DNAJC6: variants seen among roughly 807,000 people sequenced by gnomAD.
The protein encoded by DNAJC6 is DnaJ heat shock protein family (Hsp40) member C6.
A neutral mutation model predicts 110.0 loss-of-function variants in DNAJC6; 34 were observed. The ratio of observed to expected loss-of-function variants is 0.31; its 90% confidence interval spans 0.24 to 0.41. DNAJC6 has a LOEUF of 0.41. Among genes scored for constraint, DNAJC6 ranks in the 10% least tolerant of loss-of-function variants. The probability of loss-of-function intolerance (pLI) is 1.00; values close to 1 mark genes in which losing one functional copy is unlikely to be tolerated. For missense variants in DNAJC6, 1,031 were observed against 1,207.8 expected (o/e 0.85, Z 2.17); for synonymous variants, 406 against 437.2 (o/e 0.93, Z 0.89).
chr1:65,411,171 G>C, intron 17 of DNAJC6, 79 bp from the exon 18 acceptor site: 1 of 1,431,366 alleles, frequency 7.0e-7, no homozygotes. Flanking sequence ...GGAGCAGAAG[G>C]GGTTTCTAGA....
At chr1:65,309,435 T>A, upstream of DNAJC6, 1 of 654,748 alleles carries the variant, frequency 1.5e-6, no homozygotes, top group South Asian at 5.0e-5. Context: ...GGTGCTGGCC[T>A]GGGGCCCGGA....
rs771969415 is a variant in DNAJC6 at position 65,401,767 on chromosome 1, T to G, written c.2114T>G (p.Phe705Cys). ...GACCTTATTTCCTTTTCAGGAGGCTTTGGAATGGGAAGCAAGTCAGCTGCC... is the reference window on the plus strand; with the variant it reads ...GACCTTATTTCCTTTTCAGGAGGCTGTGGAATGGGAAGCAAGTCAGCTGCC... ...GWDWHAKPGG[F>C]GMGSKSAATS... Residue 705 changes from phenylalanine (F) to cysteine (C), a missense_variant, in exon 15 of 19, where the codon TTT becomes TGT. Transcript: ENST00000371069. 1.2e-6 allele frequency: 2 copies of G among 1,611,762 alleles called. No homozygotes were observed. The highest frequency in any genetic ancestry group is 1.7e-6 in the Non-Finnish European group (2 of 1,179,526).
chr1:65,401,850 C>G lies in DNAJC6; in HGVS notation c.2197C>G (p.Leu733Val). 6.2e-7 allele frequency: 1 copy of G among 1,613,810 alleles called. No homozygotes were observed. ...CACCCATCAAAGCAAACCCCAGACTCTGGATCCTTTTGCCGACCTTGGGAC... is the reference window on the plus strand; with the variant it reads ...CACCCATCAAAGCAAACCCCAGACTGTGGATCCTTTTGCCGACCTTGGGAC... Reference protein sequence around the residue: ...TPTHQSKPQTLDPFADLGTLG... With the variant: ...TPTHQSKPQTVDPFADLGTLG... The change falls in exon 15 of 19, where the codon CTG becomes GTG. Residue 733 changes from leucine (L) to valine (V), a missense_variant. Leu to Val is a conservative substitution (Grantham distance 32, BLOSUM62 1). Transcript: ENST00000371069.
intron 1 of DNAJC6, among the ~76,000 whole-genome samples, chr1:65,324,362 G>GT (rs1259707511): frequency 2.7e-5 from 4 of 150,620 alleles, no homozygotes; most frequent in African/African-American, 9.8e-5. Flanking sequence ...TGTTTGTTTT[G>GT]TTTTGTTTTT....
At chr1:65,288,456 C>T (rs1459508748) in intron 1 of DNAJC6, among the ~76,000 whole-genome samples, 1 of 152,144 alleles carries the variant, frequency 6.6e-6, no homozygotes, top group African/African-American at 2.4e-5. Context: ...CATATTTAGT[C>T]AGAATTCTTA....
rs72679486 is a variant in DNAJC6, at chr1:65,381,942, A to G, written c.667-2251A>G. ...TTAATTCACTCTCAAGGCTTAAATTATGTGACACAATACCGAAAGCACTTG... is the reference window on the plus strand; with the variant it reads ...TTAATTCACTCTCAAGGCTTAAATTGTGTGACACAATACCGAAAGCACTTG... On this transcript the variant is annotated intron_variant, in intron 5 of 18. Coordinates refer to ENST00000371069, the MANE Select transcript of DNAJC6 (RefSeq NM_001256864.2). Among the ~76,000 whole-genome samples, 731 of 152,328 alleles carry G rather than the reference A, an allele frequency of 4.8e-3. 2 individuals carry two copies. Among genetic ancestry groups the G allele is most frequent in the Non-Finnish European group, 7.8e-3 (532 of 68,022 alleles).
In DNAJC6 at chr1:65,398,864, A is replaced by G; in HGVS notation, c.2090A>G (p.Asp697Gly). 6.2e-7 allele frequency: 1 copy of G among 1,614,074 alleles called. No homozygotes were observed. The highest frequency in any genetic ancestry group is 8.5e-7 in the Non-Finnish European group (1 of 1,179,970). The change falls in exon 14 of 19, where the codon GAC becomes GGC. Residue 697 changes from aspartate (D) to glycine (G), a missense_variant. Asp to Gly is a moderately conservative substitution (Grantham distance 94). Coordinates refer to ENST00000371069, the MANE Select transcript of DNAJC6 (RefSeq NM_001256864.2). ...NIQPDVSGGW[D>G]WHAKPGGFGM... ...CAGCCAGATGTTTCTGGAGGTTGGGACTGGCATGCTAAACCAGGTAAAAGC... is the reference window on the plus strand; with the variant it reads ...CAGCCAGATGTTTCTGGAGGTTGGGGCTGGCATGCTAAACCAGGTAAAAGC...
chr1:65,273,071 C>T (rs1389723932), intron 1 of DNAJC6, among the ~76,000 whole-genome samples: 1 of 152,056 alleles, frequency 6.6e-6, no homozygotes, highest in Admixed American at 6.6e-5. Flanking sequence ...TATTTTGATG[C>T]AATATTGTCA....
chr1:65,281,305 T>C (rs1000197612), intron 1 of DNAJC6, among the ~76,000 whole-genome samples: 2 of 152,206 alleles, frequency 1.3e-5, no homozygotes, highest in Non-Finnish European at 2.9e-5. Context: ...TACCATAAAA[T>C]TCACCTTTTC....
intron 1 of DNAJC6, among the ~76,000 whole-genome samples, chr1:65,328,098 A>G (rs999783708): frequency 6.6e-6 from 1 of 152,252 alleles, no homozygotes; most frequent in African/African-American, 2.4e-5. Flanking sequence ...ACATTGAATT[A>G]AACTACATAA....
At chr1:65,390,930 C>T (rs960245787) in intron 11 of DNAJC6, among the ~76,000 whole-genome samples, 12 of 152,196 alleles carry the variant, frequency 7.9e-5, no homozygotes, top group African/African-American at 2.7e-4. Flanking sequence ...CAACTTCACT[C>T]TTTCCTCTCC....
In DNAJC6 at chr1:65,415,565, C is replaced by G. The variant is rs774553553; in HGVS notation, c.*2540C>G. 5.3e-5 allele frequency: 8 copies of G among 151,544 alleles called. No individual in the cohort carries two copies. The highest frequency in any genetic ancestry group is 2.0e-4 in the Admixed American group (3 of 15,188). The allele number at this position is 151,544 out of a possible 1,614,324, so 9.4% of individuals were successfully genotyped here. On this transcript the variant is annotated 3_prime_UTR_variant, in exon 19 of 19. Coordinates refer to ENST00000371069, the MANE Select transcript of DNAJC6 (RefSeq NM_001256864.2). ...TAGCATAGAAATCCTGGTCTCCTAG[C>G]CAAAAAAATCAAAGGATTTTCAAAA...
At chr1:65,309,458 C>G, upstream of DNAJC6, 1 of 945,064 alleles carries the variant, frequency 1.1e-6, no homozygotes, top group Non-Finnish European at 1.3e-6. Context: ...TCGGCAGGGC[C>G]GGGCGGCTCC....
At chr1:65,338,408 G>T (rs528254014) in intron 1 of DNAJC6, among the ~76,000 whole-genome samples, 42 of 152,160 alleles carry the variant, frequency 2.8e-4, no homozygotes, top group Admixed American at 2.0e-3. Flanking sequence ...CTTTAAGACA[G>T]TTACTTTGTA....
At chr1:65,264,888 G>T in exon 1 of DNAJC6, 1 of 1,613,042 alleles carries the variant, frequency 6.2e-7, no homozygotes, top group Non-Finnish European at 8.5e-7. Context: ...CTGCTCATTT[G>T]CAGCAGAGGG....
chr1:65,345,556 A>T, intron 1 of DNAJC6: 1 of 635,128 alleles, frequency 1.6e-6, no homozygotes, highest in Non-Finnish European at 2.0e-6. Context: ...AGGTTCTTTT[A>T]ATCACAACAC....
intron 1 of DNAJC6, among the ~76,000 whole-genome samples, chr1:65,346,064 C>T (rs1645434458): frequency 6.6e-6 from 1 of 152,066 alleles, no homozygotes; most frequent in African/African-American, 2.4e-5. Flanking sequence ...GGGTTTTCTC[C>T]TAGGATTCAC....
intron 1 of DNAJC6, among the ~76,000 whole-genome samples, chr1:65,277,733 G>C (rs946471365): frequency 6.6e-5 from 10 of 152,296 alleles, no homozygotes; most frequent in Admixed American, 2.0e-4. Flanking sequence ...GTGCCCTCGC[G>C]GGCAGAACTA....
intron 6 of DNAJC6, 65 bp from the exon 7 acceptor site, chr1:65,385,647 A>C (rs1459118656): frequency 7.4e-7 from 1 of 1,354,470 alleles, no homozygotes; most frequent in African/African-American, 1.4e-5. Flanking sequence ...TCTTCATAGC[A>C]AATATTGATT....
Sources: allele counts gnomAD v4.1 joint callset (sites outside exome capture counted in the v4.1 genomes callset), GRCh38; gene constraint gnomAD v4.1.1; transcripts MANE v1.5; gene names NCBI Gene and HGNC (gene_info 2026-07-23, HGNC 2026-07-21).